The following ARAP2 variants were observed in gnomAD, a reference collection of about 807,000 sequenced individuals.
The protein encoded by ARAP2 is ArfGAP with RhoGAP domain, ankyrin repeat and PH domain 2, also known as arf-GAP with Rho-GAP domain, ANK repeat and PH domain-containing protein 2.
A neutral mutation model predicts 194.5 loss-of-function variants in ARAP2; 148 were observed. The ratio of observed to expected loss-of-function variants is 0.76; its 90% CI spans 0.67 to 0.87. The LOEUF is 0.87. ARAP2 is among the 40% of genes least tolerant of loss of function. ARAP2 has a pLI of 0.00. For synonymous variants in ARAP2, 695 were observed against 683.5 expected, an observed-to-expected ratio of 1.02 and a Z score of -0.26; for missense variants, 2,128 against 1,989.7, an observed-to-expected ratio of 1.07 and a Z score of -1.32.
chr4:36,228,714 T>C lies in ARAP2; in HGVS notation c.773A>G (p.Tyr258Cys), dbSNP rs767992939. Reference protein sequence around the residue: ...FQGEMIVNDLYVPSSPILAPV... With the variant: ...FQGEMIVNDLCVPSSPILAPV... ...TGCTAGGATTGGTGATGATGGAACA[T>C]ACAAGTCATTTACAATCATTTCTCC... The change falls in exon 2 of 33, where the codon TAT becomes TGT. Residue 258 changes from tyrosine to cysteine, a missense_variant. Coordinates refer to ENST00000303965, the MANE Select transcript of ARAP2 (RefSeq NM_015230.4). The C allele has an allele frequency of 2.3e-5, 37 of 1,613,988 alleles. No homozygotes were observed. The East Asian group carries it at 6.0e-4, about 26-fold the overall frequency.
chr4:36,019,763 G>C (rs1161479164), intron 5 of ARAP2, among the ~76,000 whole-genome samples: 1 of 152,044 alleles, frequency 6.6e-6, no homozygotes, highest in Admixed American at 6.6e-5. Context: ...TGAGAAATAG[G>C]TTATAAAGAG....
chr4:36,136,816 T>TGTGTGC (rs796925392), intron 19 of ARAP2, among the ~76,000 whole-genome samples: 1,868 of 145,190 alleles, frequency 0.013, 30 homozygotes, highest in African/African-American at 0.042. Context: ...TGTGTGTGTG[T>TGTGTGC]GTGCGTGTCT....
At chr4:36,212,876 A>G (rs559089007) in intron 4 of ARAP2, among the ~76,000 whole-genome samples, 1 of 152,200 alleles carries the variant, frequency 6.6e-6, no homozygotes, top group East Asian at 1.9e-4. Flanking sequence ...AATAATTAAA[A>G]TATATACATA....
At chr4:36,087,487 A>T (rs554673733) in intron 28 of ARAP2, among the ~76,000 whole-genome samples, 1 of 152,084 alleles carries the variant, frequency 6.6e-6, no homozygotes, top group Non-Finnish European at 1.5e-5. Flanking sequence ...TGAGACTATC[A>T]CTGCCTACCA....
At chr4:36,024,016 T>C (rs1457032153) in intron 5 of ARAP2, among the ~76,000 whole-genome samples, 1 of 152,158 alleles carries the variant, frequency 6.6e-6, no homozygotes. Flanking sequence ...CATATTTCCC[T>C]ACAAGCAACC....
In ARAP2 at chr4:36,066,911, C is replaced by A. The variant is rs1725595943; in HGVS notation, c.*996G>T. The A allele has an allele frequency of 6.6e-6, 1 of 152,146 alleles. No homozygotes were observed. Among genetic ancestry groups the A allele is most frequent in the Non-Finnish European group, 1.5e-5 (1 of 68,040 alleles). The allele number at this position is 152,146 out of a possible 1,614,324, so 9.4% of individuals were successfully genotyped here. A position where few individuals can be genotyped will look rare whatever the true frequency, so the allele number is the denominator to read the frequency against. ...ATTGTATTCTTCCAGTTATTTCTGACAACTCGGAGAAAAACATTACAACCT... is the reference window on the plus strand; with the variant it reads ...ATTGTATTCTTCCAGTTATTTCTGAAAACTCGGAGAAAAACATTACAACCT... On this transcript the variant is annotated 3_prime_UTR_variant, in exon 33 of 33. Coordinates refer to ENST00000303965, the MANE Select transcript of ARAP2 (RefSeq NM_015230.4).
chr4:36,117,362 C>CT (rs1474757488), intron 24 of ARAP2, among the ~76,000 whole-genome samples: 1 of 151,640 alleles, frequency 6.6e-6, no homozygotes, highest in East Asian at 1.9e-4. Flanking sequence ...CAATGATTTT[C>CT]TTTTTTATCT....
intron 31 of ARAP2, among the ~76,000 whole-genome samples, chr4:36,076,689 C>T (rs944051427): frequency 1.8e-4 from 27 of 151,980 alleles, no homozygotes; most frequent in South Asian, 6.2e-4. Flanking sequence ...TCATCTAATC[C>T]TATAGCTTTG....
rs189330333 is a variant in ARAP2, at chr4:36,204,818, G to A, written c.1487+5572C>T. ...AGCCTGGCCAAGATGGTGAAACCCCGTCTCTACTAAAAATACAAAAATTAG... is the reference window on the plus strand; with the variant it reads ...AGCCTGGCCAAGATGGTGAAACCCCATCTCTACTAAAAATACAAAAATTAG... On this transcript the variant is annotated intron_variant, in intron 6 of 32. Coordinates refer to ENST00000303965, the MANE Select transcript of ARAP2 (RefSeq NM_015230.4). 2.5e-4 allele frequency among the ~76,000 whole-genome samples: 37 copies of A among 150,412 alleles called. 1 individual carries two copies. Among genetic ancestry groups the A allele is most frequent in the African/African-American group, 6.6e-4 (27 of 41,024 alleles).
intron 2 of ARAP2, among the ~76,000 whole-genome samples, chr4:36,219,163 C>A (rs1748633297): frequency 6.6e-6 from 1 of 152,142 alleles, no homozygotes; most frequent in African/African-American, 2.4e-5. Flanking sequence ...AACCATTTTG[C>A]ATTATCTACA....
chr4:36,076,851 T>A (rs1728371988), intron 31 of ARAP2, among the ~76,000 whole-genome samples: 1 of 152,150 alleles, frequency 6.6e-6, no homozygotes, highest in African/African-American at 2.4e-5. Context: ...AATAGAACTC[T>A]CCATTTCCTT....
At chr4:36,091,332 T>C (rs1160605758) in intron 28 of ARAP2, among the ~76,000 whole-genome samples, 1 of 152,128 alleles carries the variant, frequency 6.6e-6, no homozygotes, top group African/African-American at 2.4e-5. Context: ...ATCTACTCCC[T>C]CTTTTATATC....
intron 19 of ARAP2, 66 bp from the exon 20 acceptor site, chr4:36,133,455 C>T: frequency 7.2e-7 from 1 of 1,396,094 alleles, no homozygotes. Context: ...TACTCCAAGA[C>T]AGATTACCCT....
chr4:36,124,680 T>C (rs1264433936), intron 22 of ARAP2, among the ~76,000 whole-genome samples, 182 bp downstream of exon 22: 1 of 151,920 alleles, frequency 6.6e-6, no homozygotes, highest in African/African-American at 2.4e-5. Flanking sequence ...GAGGACACTG[T>C]ATACAATTAT....
chr4:36,228,758 G>A lies in ARAP2; in HGVS notation c.729C>T (p.Ser243=). ...TNGLLEGSPP[S]PFFKFQGEMI... ...TTTCTCCTTGAAACTTAAAGAATGGGGATGGTGGTGATCCTTCTAATAAAC... is the reference window on the plus strand; with the variant it reads ...TTTCTCCTTGAAACTTAAAGAATGGAGATGGTGGTGATCCTTCTAATAAAC... Residue 243 remains serine (S), a synonymous_variant, in exon 2 of 33, where the codon TCC becomes TCT. Transcript: ENST00000303965. The A allele has an allele frequency of 6.2e-7, 1 of 1,614,070 alleles. No homozygotes were observed. The highest frequency in any genetic ancestry group is 1.7e-5 in the Admixed American group (1 of 60,004).
chr4:36,163,662 T>C (rs981485851), intron 11 of ARAP2, among the ~76,000 whole-genome samples: 6 of 152,092 alleles, frequency 3.9e-5, no homozygotes, highest in South Asian at 2.1e-4. Flanking sequence ...GACAAACTTG[T>C]GCAAGTTTAT....
intron 2 of ARAP2, among the ~76,000 whole-genome samples, chr4:36,226,155 G>GAA (rs147081588): frequency 5.5e-5 from 8 of 145,098 alleles, no homozygotes; most frequent in African/African-American, 2.0e-4. Context: ...AAAATCACAT[G>GAA]AAAAAAAAAA....
chr4:36,147,200 T>C (rs961243298), intron 19 of ARAP2, 96 bp downstream of exon 19: 1 of 1,108,478 alleles, frequency 9.0e-7, no homozygotes, highest in African/African-American at 1.6e-5. Flanking sequence ...CAACAGGTTT[T>C]AAAATATTGT....
In ARAP2 at chr4:36,080,296, A is replaced by T. The variant is rs776315938; in HGVS notation, c.4545-17T>A. 6.2e-7 allele frequency: 1 copy of T among 1,602,698 alleles called. No individual in the cohort carries two copies. On this transcript the variant is annotated splice_polypyrimidine_tract_variant and intron_variant, in intron 30 of 32. Transcript: ENST00000303965. ...CACAGGTGCCTGCAAAACGAGGTTT[A>T]TAAACTATGTCATTCAAAAAGACAA...
Sources: allele counts gnomAD v4.1 joint callset (sites outside exome capture counted in the v4.1 genomes callset), GRCh38; gene constraint gnomAD v4.1.1; transcripts MANE v1.5; gene names NCBI Gene and HGNC (gene_info 2026-07-23, HGNC 2026-07-21).